The following ZNF254 variants were observed in gnomAD, a reference collection of about 807,000 sequenced individuals.
ZNF254 encodes the protein CTD-2017D11.1.
In ZNF254, 10 loss-of-function variants were observed where a neutral mutation model predicts 12.4. The ratio of observed to expected loss-of-function variants is 0.80; its 90% confidence interval spans 0.50 to 1.36. ZNF254 has a LOEUF of 1.36. Ranked by LOEUF, ZNF254 falls within the 40% of genes most tolerant of loss-of-function variation. The pLI is 0.00. For missense variants in ZNF254, 996 were observed against 763.9 expected (o/e 1.30, Z -3.58); for synonymous variants, 305 against 253.4 (o/e 1.20, Z -1.93).
chr19:24,077,630 A>T (rs988572823), intron 2 of ZNF254, among the ~76,000 whole-genome samples: 6 of 152,226 alleles, frequency 3.9e-5, no homozygotes, highest in African/African-American at 1.4e-4. Flanking sequence ...TACTTAGTGT[A>T]GTGTGAAGAT....
intron 2 of ZNF254, among the ~76,000 whole-genome samples, chr19:24,077,869 G>A (rs1281462113): frequency 3.9e-5 from 6 of 152,080 alleles, no homozygotes; most frequent in Non-Finnish European, 8.8e-5. Flanking sequence ...CTTGTGGATT[G>A]CCAAGTTTCT....
rs770456817 is a variant in ZNF254, at chr19:24,126,659, A to G, written c.659A>G (p.Asn220Ser). Residue 220 changes from asparagine (N) to serine (S), a missense_variant, in exon 4 of 4, where the codon AAT becomes AGT. Physicochemically the swap from Asn to Ser is conservative, Grantham distance 46. Coordinates refer to ENST00000357002, the MANE Select transcript of ZNF254 (RefSeq NM_203282.4). ...TGTAAAGAATGTGGAAAAACCTTTAATTGGTCCTCAACCCTTACTAATCAT... is the reference window on the plus strand; with the variant it reads ...TGTAAAGAATGTGGAAAAACCTTTAGTTGGTCCTCAACCCTTACTAATCAT... ...YKCKECGKTF[N>S]WSSTLTNHRK... 2 of 1,612,370 alleles carry G rather than the reference A, an allele frequency of 1.2e-6. No individual in the cohort carries two copies. The highest frequency in any genetic ancestry group is 2.2e-5 in the South Asian group (2 of 90,602).
intron 1 of ZNF254, among the ~76,000 whole-genome samples, chr19:24,102,584 C>T (rs1780968431): frequency 6.6e-6 from 1 of 152,244 alleles, no homozygotes; most frequent in African/African-American, 2.4e-5. Flanking sequence ...TAGAAGAGAT[C>T]AGAGTTTTGG....
chr19:24,050,597 A>G (rs1970608526), intron 2 of ZNF254, among the ~76,000 whole-genome samples: 1 of 152,220 alleles, frequency 6.6e-6, no homozygotes, highest in African/African-American at 2.4e-5. Context: ...TGAATTTAGC[A>G]TACAGGTGAT....
chr19:24,054,621 G>A (rs757967326), intron 2 of ZNF254, among the ~76,000 whole-genome samples: 7 of 152,170 alleles, frequency 4.6e-5, no homozygotes, highest in African/African-American at 7.2e-5. Context: ...CAGGGAAAGA[G>A]CCTATGGCTG....
At chr19:24,066,259 A>G (rs1971266196) in intron 2 of ZNF254, 2 of 152,104 alleles carry the variant, frequency 1.3e-5, no homozygotes, top group African/African-American at 4.8e-5. Flanking sequence ...TATTACAGGA[A>G]AGATGATTGA....
intron 3 of ZNF254, among the ~76,000 whole-genome samples, chr19:24,117,540 C>G (rs764015519): frequency 3.3e-5 from 5 of 152,144 alleles, no homozygotes; most frequent in African/African-American, 7.2e-5. Context: ...TATTTAAGCC[C>G]GTCGGAAAAG....
intron 1 of ZNF254, 126 bp downstream of exon 1, chr19:24,087,463 G>A (rs964168076): frequency 3.3e-6 from 4 of 1,213,900 alleles, no homozygotes; most frequent in Admixed American, 1.9e-5. Flanking sequence ...CTCGACCTCA[G>A]TCCCCTTCAG....
At chr19:24,079,721 C>A (rs1021963510) in intron 2 of ZNF254, 2 of 152,162 alleles carry the variant, frequency 1.3e-5, no homozygotes, top group Non-Finnish European at 2.9e-5. Flanking sequence ...AGGACTCATG[C>A]AGATGAGGTA....
intron 3 of ZNF254, among the ~76,000 whole-genome samples, chr19:24,116,392 A>T (rs1050276980): frequency 6.6e-6 from 1 of 151,770 alleles, no homozygotes; most frequent in Non-Finnish European, 1.5e-5. Context: ...GCTTTTTTCA[A>T]TTCTTTTTAT....
chr19:24,041,926 A>C (rs1034737159), intron 1 of ZNF254, among the ~76,000 whole-genome samples: 2 of 152,000 alleles, frequency 1.3e-5, no homozygotes, highest in African/African-American at 2.4e-5. Context: ...GAGAGTCTTT[A>C]TATCTAGCTC....
chr19:24,054,163 C>A (rs1970753278), intron 2 of ZNF254, among the ~76,000 whole-genome samples: 1 of 152,168 alleles, frequency 6.6e-6, no homozygotes, highest in Non-Finnish European at 1.5e-5. Flanking sequence ...TGATGTGACT[C>A]TGTTGCCTGT....
chr19:24,100,575 C>A (rs1972956091), intron 1 of ZNF254, among the ~76,000 whole-genome samples: 1 of 152,062 alleles, frequency 6.6e-6, no homozygotes. Flanking sequence ...TAATGTCACA[C>A]TGGACACTAT....
chr19:24,109,025 C>G (rs2463032), intron 3 of ZNF254, among the ~76,000 whole-genome samples: 2 of 152,110 alleles, frequency 1.3e-5, no homozygotes, highest in Non-Finnish European at 2.9e-5. Flanking sequence ...CATGGCGGCA[C>G]GCGCCTGTAG....
At chr19:24,039,243 G>T (rs903420197) in intron 1 of ZNF254, among the ~76,000 whole-genome samples, 11 of 152,178 alleles carry the variant, frequency 7.2e-5, no homozygotes, top group Non-Finnish European at 1.5e-4. Flanking sequence ...GTGAAATTTT[G>T]AGATTGTGTG....
At chr19:24,098,550 A>G (rs953790844) in intron 1 of ZNF254, 4 of 152,218 alleles carry the variant, frequency 2.6e-5, no homozygotes, top group Non-Finnish European at 5.9e-5. Flanking sequence ...CCCTTTCTTC[A>G]TAGTACTCAT....
At chr19:24,100,232 CAG>C (rs1036304416) in intron 1 of ZNF254, among the ~76,000 whole-genome samples, 35 of 152,070 alleles carry the variant, frequency 2.3e-4, no homozygotes, top group African/African-American at 7.5e-4. Flanking sequence ...ATCAGAGTAA[CAG>C]TGTGCATTGA....
chr19:24,073,877 C>T (rs1462839369), intron 2 of ZNF254, among the ~76,000 whole-genome samples: 1 of 152,188 alleles, frequency 6.6e-6, no homozygotes, highest in African/African-American at 2.4e-5. Flanking sequence ...AATTTTATCC[C>T]TACATTTTCC....
chr19:24,091,697 T>G (rs1242094977), intron 1 of ZNF254, among the ~76,000 whole-genome samples: 18 of 151,884 alleles, frequency 1.2e-4, no homozygotes, highest in Admixed American at 1.2e-3. Context: ...TTCACCATGT[T>G]GGCCAGGCTG....
Sources: gnomAD v4.1 joint callset for allele counts (sites outside exome capture counted in the v4.1 genomes callset) on GRCh38, gnomAD v4.1.1 for gene constraint, MANE v1.5 for transcripts, NCBI Gene and HGNC (gene_info 2026-07-23, HGNC 2026-07-21) for gene names.